Variants in MITF observed in about 807,000 individuals in gnomAD.
MITF encodes the protein melanocyte inducing transcription factor, also known as microphthalmia-associated transcription factor.
Under a neutral mutation model 60.5 loss-of-function variants are expected in MITF, and 17 were observed. The observed-to-expected ratio is 0.28, with a 90% CI of 0.19 to 0.42. The LOEUF (loss-of-function observed/expected upper bound fraction) is 0.42. Among genes scored for constraint, MITF ranks in the 10% least tolerant of loss-of-function variants. The probability of loss-of-function intolerance (pLI) is 1.00; values close to 1 mark genes in which losing one functional copy is unlikely to be tolerated. For missense variants in MITF, 622 were observed against 683.5 expected, an observed-to-expected ratio of 0.91 and a Z score of 1.00; for synonymous variants, 260 against 248.5, an observed-to-expected ratio of 1.05 and a Z score of -0.43.
At position 69,842,770 on chromosome 3, in the gene MITF, G is replaced by T. The variant is rs138991510; in HGVS notation, c.105-36364G>T. On this transcript the variant is annotated intron_variant, in intron 1 of 9. Coordinates refer to ENST00000352241, the MANE Select transcript of MITF (RefSeq NM_001354604.2). ...AACTGACTGAGATGGATGAAAAAAA[G>T]CTGCACTAGCTCTAGGTATGTCAGG... is the stretch of plus-strand genomic sequence containing the variant. Among the ~76,000 whole-genome samples the T allele has an allele frequency of 2.0e-3, 310 of 152,180 alleles. 1 individual carries two copies. Among genetic ancestry groups the T allele is most frequent in the African/African-American group, 6.8e-3 (281 of 41,518 alleles).
chr3:69,812,994 T>C (rs1352385367), intron 1 of MITF, among the ~76,000 whole-genome samples: 1 of 152,180 alleles, frequency 6.6e-6, no homozygotes, highest in African/African-American at 2.4e-5. Flanking sequence ...ATGATATTAA[T>C]GCCCAAATGT....
intron 1 of MITF, among the ~76,000 whole-genome samples, chr3:69,860,759 T>C (rs1252415896): frequency 6.6e-6 from 1 of 152,234 alleles, no homozygotes; most frequent in Non-Finnish European, 1.5e-5. Flanking sequence ...CATTCTTTAA[T>C]AATGTTGGGC....
intron 1 of MITF, among the ~76,000 whole-genome samples, chr3:69,765,617 G>A (rs2062278380): frequency 6.6e-6 from 1 of 152,134 alleles, no homozygotes. Flanking sequence ...CATATGTGCT[G>A]GAATATTTGC....
intron 1 of MITF, among the ~76,000 whole-genome samples, chr3:69,876,367 A>G (rs1396310525): frequency 6.6e-6 from 1 of 152,126 alleles, no homozygotes. Context: ...TTTGAATAGT[A>G]AGGCCGCTTA....
chr3:69,788,020 T>G (rs1178076007), intron 1 of MITF, among the ~76,000 whole-genome samples: 1 of 152,082 alleles, frequency 6.6e-6, no homozygotes, highest in Non-Finnish European at 1.5e-5. Flanking sequence ...ATGAGAAAAC[T>G]GAGGTTAAAT....
intron 2 of MITF, among the ~76,000 whole-genome samples, chr3:69,894,309 C>G (rs1376837256): frequency 6.6e-6 from 1 of 152,180 alleles, no homozygotes; most frequent in African/African-American, 2.4e-5. Flanking sequence ...TCATTTTTAT[C>G]TAGTCTCTAA....
intron 2 of MITF, among the ~76,000 whole-genome samples, chr3:69,892,891 T>C (rs572198797): frequency 2.0e-5 from 3 of 152,250 alleles, no homozygotes; most frequent in Non-Finnish European, 2.9e-5. Context: ...CTTTCTCCTT[T>C]CTTTTTTTGT....
chr3:69,803,080 A>G (rs1033626665), intron 1 of MITF, among the ~76,000 whole-genome samples: 1 of 152,186 alleles, frequency 6.6e-6, no homozygotes, highest in Admixed American at 6.5e-5. Context: ...CCCAGCCCAC[A>G]GTCCATATTC....
At position 69,937,801 on chromosome 3, in the gene MITF, T is replaced by C. The variant is rs776261449; in HGVS notation, c.355-21T>C. On this transcript the variant is annotated intron_variant, in intron 2 of 9. Transcript: ENST00000352241. ...CACAAATAACAGCGCTGTTTTCTTT[T>C]CCCTCCATGGCTATGTTCAGGTGCA... 3 of 1,607,806 alleles carry C rather than the reference T, an allele frequency of 1.9e-6. No homozygotes were observed. In the South Asian group the frequency reaches 3.3e-5, roughly 18 times the overall value.
intron 1 of MITF, among the ~76,000 whole-genome samples, chr3:69,792,405 CT>C (rs1029241316): frequency 6.6e-6 from 1 of 151,958 alleles, no homozygotes; most frequent in African/African-American, 2.4e-5. Flanking sequence ...CATCTCCTTG[CT>C]TTTTCCTTCC....
At chr3:69,912,608 T>A (rs1374551254) in intron 2 of MITF, among the ~76,000 whole-genome samples, 1 of 152,174 alleles carries the variant, frequency 6.6e-6, no homozygotes, top group Non-Finnish European at 1.5e-5. Flanking sequence ...CCAAGCCTCA[T>A]GCAATTTACC....
chr3:69,911,659 A>G (rs183796025), intron 2 of MITF, among the ~76,000 whole-genome samples: 258 of 152,350 alleles, frequency 1.7e-3, no homozygotes, highest in African/African-American at 6.0e-3. Flanking sequence ...AAGAATATGC[A>G]TAGACAGTTC....
chr3:69,901,406 T>A (rs995764508), intron 2 of MITF, among the ~76,000 whole-genome samples: 4 of 152,134 alleles, frequency 2.6e-5, no homozygotes, highest in Non-Finnish European at 5.9e-5. Flanking sequence ...TTAGATAATT[T>A]TCATGGGTTT....
At chr3:69,912,469 C>G (rs1411536167) in intron 2 of MITF, among the ~76,000 whole-genome samples, 1 of 152,128 alleles carries the variant, frequency 6.6e-6, no homozygotes, top group Non-Finnish European at 1.5e-5. Context: ...CGCATCTCAA[C>G]CAAGGTGTTC....
At chr3:69,936,852 A>G (rs2065848034) in intron 2 of MITF, 23 of 1,129,954 alleles carry the variant, frequency 2.0e-5, no homozygotes, top group South Asian at 4.0e-5. Flanking sequence ...ACTGTTTTCA[A>G]TAAGTATAAA....
Position 69,967,375 on chromosome 3 carries a change from G to A in MITF, c.*2127G>A, listed in dbSNP as rs2107558620. ...TGTTCATTGATACAATCATAGCATT[G>A]TCTATTTTTCTCTTCATATTTATAT... On this transcript the variant is annotated 3_prime_UTR_variant, in exon 10 of 10. Coordinates refer to ENST00000352241, the MANE Select transcript of MITF (RefSeq NM_001354604.2). 1 of 232,898 alleles carries A rather than the reference G, an allele frequency of 4.3e-6. No homozygotes were observed. Among genetic ancestry groups the A allele is most frequent in the East Asian group, 6.1e-5 (1 of 16,514 alleles). The allele number at this position is 232,898 out of a possible 1,614,324, so 14.4% of individuals were successfully genotyped here. A position where few individuals can be genotyped will look rare whatever the true frequency, so the allele number is the denominator to read the frequency against.
intron 5 of MITF, among the ~76,000 whole-genome samples, chr3:69,943,980 G>C (rs1225888855): frequency 6.6e-6 from 1 of 152,052 alleles, no homozygotes; most frequent in Non-Finnish European, 1.5e-5. Flanking sequence ...TATAGTCCTA[G>C]CTACTCAGGA....
At chr3:69,890,916 T>C (rs1242967185) in intron 2 of MITF, among the ~76,000 whole-genome samples, 1 of 152,180 alleles carries the variant, frequency 6.6e-6, no homozygotes, top group Non-Finnish European at 1.5e-5. Flanking sequence ...CACATTCTTG[T>C]GCAATTACAA....
intron 1 of MITF, among the ~76,000 whole-genome samples, chr3:69,839,448 T>C (rs1172764545): frequency 1.3e-5 from 2 of 152,136 alleles, no homozygotes; most frequent in African/African-American, 4.8e-5. Flanking sequence ...GATTACTTTT[T>C]TTTTTCTTCC....
Sources: gnomAD v4.1 joint callset for allele counts (sites outside exome capture counted in the v4.1 genomes callset) on GRCh38, gnomAD v4.1.1 for gene constraint, MANE v1.5 for transcripts, NCBI Gene and HGNC (gene_info 2026-07-23, HGNC 2026-07-21) for gene names.